RYR3: variants seen among roughly 807,000 people sequenced by gnomAD.
The protein encoded by RYR3 is brain ryanodine receptor-calcium release channel.
A neutral mutation model predicts 584.3 loss-of-function variants in RYR3; 207 were observed. The observed-to-expected ratio is 0.35, with a 90% CI of 0.32 to 0.40. RYR3 has a LOEUF of 0.40. Ranked by LOEUF, RYR3 falls within the 10% of genes least tolerant of loss-of-function variation. RYR3 has a pLI of 1.00. For missense variants in RYR3, 5,616 were observed against 6,089.2 expected, an observed-to-expected ratio of 0.92 and a Z score of 2.59; for synonymous variants, 2,416 against 2,248.5, an observed-to-expected ratio of 1.07 and a Z score of -2.11.
chr15:33,507,460 T>A (rs2052578136), intron 3 of RYR3, among the ~76,000 whole-genome samples: 1 of 152,164 alleles, frequency 6.6e-6, no homozygotes, highest in Admixed American at 6.5e-5. Context: ...CCTATGTAAT[T>A]TTATTCTGGG....
chr15:33,437,041 T>C (rs577296487), intron 1 of RYR3, among the ~76,000 whole-genome samples: 80 of 152,252 alleles, frequency 5.3e-4, no homozygotes, highest in African/African-American at 1.9e-3. Flanking sequence ...GCATCACTTA[T>C]TGTAATGATT....
chr15:33,836,819 C>G, intron 87 of RYR3, 87 bp from the exon 88 acceptor site: 1 of 1,042,460 alleles, frequency 9.6e-7, no homozygotes, highest in Non-Finnish European at 1.4e-6. Flanking sequence ...TGCACCTAAC[C>G]TTTCCAGAGC....
At chr15:33,442,490 T>C (rs1158050378) in intron 1 of RYR3, among the ~76,000 whole-genome samples, 1 of 152,224 alleles carries the variant, frequency 6.6e-6, no homozygotes, top group Non-Finnish European at 1.5e-5. Flanking sequence ...TATTTGAGAA[T>C]TTCGGTATGC....
Position 33,842,031 on chromosome 15 carries a change from T to C in RYR3, c.13205T>C (p.Leu4402Ser), listed in dbSNP as rs1472135225. 1.9e-6 allele frequency: 3 copies of C among 1,597,984 alleles called. No homozygotes were observed. The highest frequency in any genetic ancestry group is 1.8e-4 in the Middle Eastern group (1 of 5,556). Residue 4402 changes from leucine to serine, a missense_variant, in exon 91 of 104, where the codon TTA becomes TCA. Physicochemically the swap from Leu to Ser is moderately radical, Grantham distance 145 (BLOSUM62 -2). Coordinates refer to ENST00000634891, the MANE Select transcript of RYR3 (RefSeq NM_001036.6). ...FKGLEIYQTK[L>S]LHYLARNFYN... ...GGGCTGGAAATCTATCAGACCAAGT[T>C]ACTGGTAAGCATTCCAACCTTGGCC...
chr15:33,599,526 T>C (rs624438), intron 16 of RYR3, among the ~76,000 whole-genome samples: 18,394 of 152,146 alleles, frequency 0.12, 1,489 homozygotes, highest in African/African-American at 0.23. Flanking sequence ...ACTTCCAGGT[T>C]ACAGATAGGT....
rs1361123935 is a variant in RYR3 at position 33,865,348 on chromosome 15, A to C, written c.*122A>C. On this transcript the variant is annotated 3_prime_UTR_variant, in exon 104 of 104. Coordinates refer to ENST00000634891, the MANE Select transcript of RYR3 (RefSeq NM_001036.6). ...TTTCTAAATGCCTCCCTTAAAAAAA[A>C]AACTGCTGAAAATCTGTGCTATTTT... 2.0e-5 allele frequency: 14 copies of C among 688,384 alleles called. No homozygotes were observed. The highest frequency in any genetic ancestry group is 9.0e-5 in the Admixed American group (3 of 33,512). The allele number at this position is 688,384 out of a possible 1,614,324, so 42.6% of individuals were successfully genotyped here.
rs1567085080 is a variant in RYR3, at chr15:33,748,225, A to G, written c.8101A>G (p.Asn2701Asp). The change falls in exon 54 of 104, where the codon AAT (asparagine) becomes GAT (aspartate). Residue 2701 changes from asparagine (N) to aspartate (D), a missense_variant. By Grantham distance (23) the Asn-to-Asp change is conservative (BLOSUM62 1). Transcript: ENST00000634891. The stretch of plus-strand genomic sequence containing the variant: ...AGAAGCTTTGGTTCAACAGCGGGAA[A>G]ATGAGAAGCTTCGAAGTGTGTCCCA... ...EGEALVQQRE[N>D]EKLRSVSQAN... is the part of the protein sequence containing the mutation. 6.2e-7 allele frequency: 1 copy of G among 1,613,938 alleles called. No individual in the cohort carries two copies. Among genetic ancestry groups the G allele is most frequent in the Non-Finnish European group, 8.5e-7 (1 of 1,179,880 alleles).
At chr15:33,847,464 T>A (rs1295904592) in intron 93 of RYR3, 6 of 152,196 alleles carry the variant, frequency 3.9e-5, no homozygotes, top group Non-Finnish European at 7.4e-5. Context: ...GAATTAAGCT[T>A]TTCTGGCTAG....
intron 62 of RYR3, 51 bp downstream of exon 62, chr15:33,769,223 C>A (rs908900612): frequency 2.6e-5 from 33 of 1,268,838 alleles, no homozygotes; most frequent in Non-Finnish European, 3.5e-5. Context: ...CCTCTCTGAC[C>A]CTCTCATCTC....
At chr15:33,673,450 G>A (rs1003683494) in intron 38 of RYR3, among the ~76,000 whole-genome samples, 1 of 152,170 alleles carries the variant, frequency 6.6e-6, no homozygotes, top group Non-Finnish European at 1.5e-5. Context: ...AATGAAAGCT[G>A]TTACAATATT....
intron 72 of RYR3, among the ~76,000 whole-genome samples, chr15:33,811,308 A>T (rs1023098735): frequency 2.6e-5 from 4 of 152,132 alleles, no homozygotes; most frequent in Admixed American, 6.5e-5. Flanking sequence ...GATTGAGACC[A>T]TCCTGGCTAA....
intron 1 of RYR3, among the ~76,000 whole-genome samples, chr15:33,314,282 C>T (rs966883596): frequency 6.6e-6 from 1 of 152,156 alleles, no homozygotes; most frequent in Non-Finnish European, 1.5e-5. Context: ...GTGGCATCCT[C>T]CTCTCTTCCG....
chr15:33,432,800 G>A (rs772096180), intron 1 of RYR3, among the ~76,000 whole-genome samples: 2 of 151,698 alleles, frequency 1.3e-5, no homozygotes, highest in East Asian at 1.9e-4. Flanking sequence ...GATTACAGGC[G>A]TGAGGCACCG....
chr15:33,797,180 C>T (rs1049114645), intron 67 of RYR3, among the ~76,000 whole-genome samples: 1 of 152,122 alleles, frequency 6.6e-6, no homozygotes, highest in Non-Finnish European at 1.5e-5. Context: ...GCCATCTCCT[C>T]CATATGGCAG....
intron 60 of RYR3, among the ~76,000 whole-genome samples, chr15:33,766,539 G>A (rs1184270443): frequency 1.3e-5 from 2 of 152,206 alleles, no homozygotes; most frequent in Non-Finnish European, 2.9e-5. Flanking sequence ...GAGGGCAGGT[G>A]TGTCTGTTTT....
At chr15:33,632,903 C>T (rs2061336742) in intron 23 of RYR3, 46 bp from the exon 24 acceptor site, 6 of 1,544,204 alleles carry the variant, frequency 3.9e-6, no homozygotes, top group Non-Finnish European at 5.3e-6. Context: ...GAATGAGAAA[C>T]TCATGGAGAT....
At chr15:33,610,700 G>T (rs1042986370) in intron 18 of RYR3, among the ~76,000 whole-genome samples, 1 of 152,152 alleles carries the variant, frequency 6.6e-6, no homozygotes, top group Non-Finnish European at 1.5e-5. Context: ...AAGTGTTTCA[G>T]GTTTTAGATT....
chr15:33,551,154 G>A (rs1002348290), intron 10 of RYR3, among the ~76,000 whole-genome samples: 17 of 152,202 alleles, frequency 1.1e-4, no homozygotes, highest in African/African-American at 4.1e-4. Flanking sequence ...TGGATGGTCT[G>A]TCACTTTATG....
intron 2 of RYR3, among the ~76,000 whole-genome samples, chr15:33,486,992 G>T (rs1445452818): frequency 1.3e-5 from 2 of 152,104 alleles, no homozygotes; most frequent in Admixed American, 6.5e-5. Flanking sequence ...GAGGCCAGGA[G>T]TTCAAGACCA....
Sources: allele counts gnomAD v4.1 joint callset (sites outside exome capture counted in the v4.1 genomes callset), GRCh38; gene constraint gnomAD v4.1.1; transcripts MANE v1.5; gene names NCBI Gene and HGNC (gene_info 2026-07-23, HGNC 2026-07-21).